IFI44: variants seen among roughly 807,000 people sequenced by gnomAD.
IFI44 encodes the protein interferon-induced protein 44.
A neutral mutation model predicts 45.0 loss-of-function variants in IFI44; 42 were observed. That is an observed-to-expected ratio of 0.93 (90% confidence interval 0.73 to 1.21). IFI44 has a LOEUF of 1.21. Ranked by LOEUF, IFI44 falls within the 50% of genes most tolerant of loss-of-function variation. IFI44 has a pLI of 0.00. For missense variants in IFI44, 623 were observed against 525.8 expected (o/e 1.18, Z -1.81); for synonymous variants, 221 against 188.6 (o/e 1.17, Z -1.41).
At position 78,650,512 on chromosome 1, in the gene IFI44, C is replaced by T; in HGVS notation, c.317C>T (p.Thr106Ile). Residue 106 changes from threonine to isoleucine, a missense_variant, in exon 2 of 9, where the codon ACA becomes ATA. Thr to Ile is a moderately conservative substitution (Grantham distance 89). Transcript: ENST00000370747. ...TPETLFCCDV[T>I]KYNSPTNFQI... ...GAAACACTGTTTTGTTGTGATGTTA[C>T]AAAATATAACTCCCCAACTAATTTC... The T allele has an allele frequency of 6.2e-7, 1 of 1,613,762 alleles. No homozygotes were observed. Among genetic ancestry groups the T allele is most frequent in the Non-Finnish European group, 8.5e-7 (1 of 1,179,778 alleles).
At chr1:78,659,928 A>C (rs1032131306) in intron 6 of IFI44, among the ~76,000 whole-genome samples, 2 of 152,210 alleles carry the variant, frequency 1.3e-5, no homozygotes, top group African/African-American at 4.8e-5. Context: ...AGAGGTAAAG[A>C]GTTTGGAGAA....
At chr1:78,654,933 A>G (rs2100447059) in intron 3 of IFI44, 81 bp from the exon 4 acceptor site, 1 of 1,101,974 alleles carries the variant, frequency 9.1e-7, no homozygotes, top group Non-Finnish European at 1.2e-6. Context: ...TATCTATGAA[A>G]AAATGAATTC....
intron 8 of IFI44, 91 bp from the exon 9 acceptor site, chr1:78,663,674 G>A: frequency 1.3e-6 from 2 of 1,548,238 alleles, no homozygotes; most frequent in Non-Finnish European, 1.7e-6. Context: ...ATTAGCGTTG[G>A]TTGAGATTTT....
intron 6 of IFI44, 63 bp downstream of exon 6, chr1:78,659,546 T>C: frequency 7.6e-7 from 1 of 1,317,268 alleles, no homozygotes; most frequent in Non-Finnish European, 1.1e-6. Flanking sequence ...GACTGTATTT[T>C]AGAATGCTTT....
At chr1:78,658,343 A>G (rs943292709) in intron 5 of IFI44, among the ~76,000 whole-genome samples, 1 of 152,146 alleles carries the variant, frequency 6.6e-6, no homozygotes, top group African/African-American at 2.4e-5. Context: ...ATATCGTTTC[A>G]TATAATCACA....
chr1:78,661,768 A>G (rs1279107663), intron 7 of IFI44, among the ~76,000 whole-genome samples: 1 of 152,198 alleles, frequency 6.6e-6, no homozygotes, highest in East Asian at 1.9e-4. Context: ...AGATTTCATC[A>G]ATGGAACGGC....
At chr1:78,660,316 T>A (rs1647373336) in intron 6 of IFI44, among the ~76,000 whole-genome samples, 1 of 152,086 alleles carries the variant, frequency 6.6e-6, no homozygotes, top group Non-Finnish European at 1.5e-5. Context: ...GGTGGTTTCA[T>A]TTGAGGCCTC....
chr1:78,655,521 G>A lies in IFI44; in HGVS notation c.840+10G>A. 6.3e-7 allele frequency: 1 copy of A among 1,591,342 alleles called. No homozygotes were observed. Among genetic ancestry groups the A allele is most frequent in the Non-Finnish European group, 8.6e-7 (1 of 1,168,678 alleles). ...TCGTGATAGATACCAGGTAATATTT[G>A]ACTAATGAGAAATTATAACTGATTT... On this transcript the variant is annotated intron_variant, in intron 5 of 8. Coordinates refer to ENST00000370747, the MANE Select transcript of IFI44 (RefSeq NM_006417.5).
rs1368242707 is a variant in IFI44, at chr1:78,650,244, A to T, written c.49A>T (p.Asn17Tyr). ...ATGGTTGCACGAAAAGATCCTGCAAAATCATTTTGGAGGGAAGCGGCTTAG... is the reference window on the plus strand; with the variant it reads ...ATGGTTGCACGAAAAGATCCTGCAATATCATTTTGGAGGGAAGCGGCTTAG... ...LTWLHEKILQ[N>Y]HFGGKRLSLL... The change falls in exon 2 of 9, where the codon AAT (asparagine) becomes TAT (tyrosine). Residue 17 changes from asparagine to tyrosine, a missense_variant. Coordinates refer to ENST00000370747, the MANE Select transcript of IFI44 (RefSeq NM_006417.5). 3 of 1,609,556 alleles carry T rather than the reference A, an allele frequency of 1.9e-6. No individual in the cohort carries two copies. Among genetic ancestry groups the T allele is most frequent in the Admixed American group, 1.7e-5 (1 of 59,938 alleles).
chr1:78,657,714 G>C (rs61769988), intron 5 of IFI44, among the ~76,000 whole-genome samples: 39,019 of 151,920 alleles, frequency 0.26, 5,624 homozygotes, highest in Non-Finnish European at 0.33. Context: ...TTGCCTTTTT[G>C]CAAGACTTTG....
At chr1:78,656,654 T>A (rs1179847017) in intron 5 of IFI44, among the ~76,000 whole-genome samples, 8 of 151,824 alleles carry the variant, frequency 5.3e-5, no homozygotes, top group African/African-American at 1.9e-4. Context: ...ATAGGCCTTT[T>A]CAAGTGAGGT....
At chr1:78,652,468 A>G (rs1479645983) in intron 2 of IFI44, among the ~76,000 whole-genome samples, 1 of 152,170 alleles carries the variant, frequency 6.6e-6, no homozygotes, top group Non-Finnish European at 1.5e-5. Context: ...CGTGTGGGAA[A>G]TATCATTAGT....
At chr1:78,661,828 C>A (rs1489058557) in intron 7 of IFI44, among the ~76,000 whole-genome samples, 1 of 151,864 alleles carries the variant, frequency 6.6e-6, no homozygotes, top group South Asian at 2.1e-4. Context: ...AATGAAGAGA[C>A]AAAAAGGGCC....
chr1:78,658,055 T>C (rs1647266681), intron 5 of IFI44, among the ~76,000 whole-genome samples: 1 of 152,098 alleles, frequency 6.6e-6, no homozygotes, highest in Non-Finnish European at 1.5e-5. Flanking sequence ...TCTCAGTGAG[T>C]AGAGTTAAGT....
At chr1:78,663,163 G>A (rs1361867156) in intron 8 of IFI44, 2 of 985,072 alleles carry the variant, frequency 2.0e-6, no homozygotes, top group African/African-American at 1.7e-5. Context: ...AACATCCCAA[G>A]CTGTATCCCT....
At chr1:78,652,411 T>C (rs979049503) in intron 2 of IFI44, among the ~76,000 whole-genome samples, 1 of 152,204 alleles carries the variant, frequency 6.6e-6, no homozygotes, top group African/African-American at 2.4e-5. Context: ...AAGTAATGCT[T>C]AGCCACAGGT....
chr1:78,663,622 T>G, intron 8 of IFI44, 143 bp from the exon 9 acceptor site: 1 of 1,389,740 alleles, frequency 7.2e-7, no homozygotes, highest in Non-Finnish European at 9.3e-7. Flanking sequence ...CCATCTTGGT[T>G]TCCCCATCCC....
intron 2 of IFI44, among the ~76,000 whole-genome samples, chr1:78,651,295 C>T (rs1189326283): frequency 6.6e-6 from 1 of 152,154 alleles, no homozygotes; most frequent in Admixed American, 6.5e-5. Context: ...TGCAACTAAA[C>T]GGTCCCATCT....
Position 78,663,790 on chromosome 1 carries a change from C to T in IFI44, c.1314C>T (p.Asn438=). The stretch of plus-strand genomic sequence containing the variant: ...GGAATCTAAGGGAGGAAATTATCAA[C>T]TGTGCACAAGGAAAAAAATAGATAT... ...QIGNLREEII[N]CAQGKK is the part of the protein sequence containing the mutation. The change falls in exon 9 of 9, where the codon AAC becomes AAT. Residue 438 remains asparagine, a synonymous_variant. Transcript: ENST00000370747. The T allele has an allele frequency of 1.9e-6, 3 of 1,612,522 alleles. No homozygotes were observed. Among genetic ancestry groups the T allele is most frequent in the Non-Finnish European group, 1.7e-6 (2 of 1,179,406 alleles).
Sources: allele counts gnomAD v4.1 joint callset (sites outside exome capture counted in the v4.1 genomes callset), GRCh38; gene constraint gnomAD v4.1.1; transcripts MANE v1.5; gene names NCBI Gene and HGNC (gene_info 2026-07-23, HGNC 2026-07-21).